The following TBL1XR1 variants were observed in gnomAD, a reference collection of about 807,000 sequenced individuals.
The protein encoded by TBL1XR1 is TBL1X/Y related 1.
A neutral mutation model predicts 66.9 loss-of-function variants in TBL1XR1; 5 were observed. That is an observed-to-expected ratio of 0.07 (90% CI 0.04 to 0.16). The LOEUF (loss-of-function observed/expected upper bound fraction) is 0.16, where lower values mean the gene tolerates loss of function less well. Ranked by LOEUF, TBL1XR1 falls within the 10% of genes least tolerant of loss-of-function variation. The pLI, the probability that TBL1XR1 is intolerant of heterozygous loss-of-function variation, is 1.00. For synonymous variants in TBL1XR1, 210 were observed against 206.0 expected, an observed-to-expected ratio of 1.02 and a Z score of -0.17; for missense variants, 238 against 623.2, an observed-to-expected ratio of 0.38 and a Z score of 6.58.
At chr3:177,181,448 C>T (rs897100884) in intron 1 of TBL1XR1, among the ~76,000 whole-genome samples, 1 of 150,546 alleles carries the variant, frequency 6.6e-6, no homozygotes, top group South Asian at 2.1e-4. Context: ...CCACCACACT[C>T]CAGCCTGAGT....
chr3:177,110,609 G>GA (rs1446906972), intron 1 of TBL1XR1, among the ~76,000 whole-genome samples: 2 of 152,020 alleles, frequency 1.3e-5, no homozygotes. Context: ...ACACTAAGCT[G>GA]AATTTTTTCA....
At chr3:177,109,859 G>C (rs1351683796) in intron 1 of TBL1XR1, among the ~76,000 whole-genome samples, 3 of 152,102 alleles carry the variant, frequency 2.0e-5, no homozygotes, top group Non-Finnish European at 4.4e-5. Context: ...TCAATTGAGA[G>C]ACAGCAAGAT....
At chr3:177,156,560 TAC>T (rs1278517597) in intron 1 of TBL1XR1, among the ~76,000 whole-genome samples, 3 of 149,482 alleles carry the variant, frequency 2.0e-5, no homozygotes, top group African/African-American at 7.4e-5. Flanking sequence ...TATATATATA[TAC>T]ACACACATAC....
rs143945879 is a variant in TBL1XR1, at chr3:177,079,247, C to T, written c.-45-14225G>A. On this transcript the variant is annotated intron_variant, in intron 2 of 15. Coordinates refer to ENST00000457928, the MANE Select transcript of TBL1XR1 (RefSeq NM_024665.7). ...GAGATCAAGACCATCCTGGCTAACA[C>T]GGTGAAACCCCGTCTCCACTAAAAA... is the stretch of plus-strand genomic sequence containing the variant. 4.2e-3 allele frequency among the ~76,000 whole-genome samples: 643 copies of T among 151,676 alleles called. 4 individuals carry two copies. The highest frequency in any genetic ancestry group is 0.015 in the African/African-American group (617 of 41,366).
intron 2 of TBL1XR1, among the ~76,000 whole-genome samples, chr3:177,065,263 G>A (rs997990350): frequency 6.6e-6 from 1 of 152,106 alleles, no homozygotes; most frequent in African/African-American, 2.4e-5. Flanking sequence ...AAATTTTTTA[G>A]AGGGCTTTAG....
intron 2 of TBL1XR1, among the ~76,000 whole-genome samples, chr3:177,087,997 C>G (rs1467591039): frequency 6.6e-6 from 1 of 152,116 alleles, no homozygotes; most frequent in Admixed American, 6.6e-5. Context: ...ACATCTATCC[C>G]TCTATTGTGG....
intron 1 of TBL1XR1, among the ~76,000 whole-genome samples, chr3:177,191,197 T>A (rs1342344106): frequency 6.6e-6 from 1 of 152,104 alleles, no homozygotes; most frequent in Non-Finnish European, 1.5e-5. Context: ...ACAAATTCAA[T>A]CCAGTTGGCA....
intron 3 of TBL1XR1, among the ~76,000 whole-genome samples, chr3:177,054,327 A>G (rs998521380): frequency 6.6e-6 from 1 of 152,160 alleles, no homozygotes; most frequent in African/African-American, 2.4e-5. Flanking sequence ...TTTCTGTATT[A>G]TATTTTAATA....
intron 1 of TBL1XR1, among the ~76,000 whole-genome samples, chr3:177,129,709 A>C (rs67562114): frequency 6.6e-6 from 1 of 151,940 alleles, no homozygotes; most frequent in African/African-American, 2.4e-5. Flanking sequence ...TTAAAAAAAA[A>C]GTACAAGATA....
chr3:177,052,868 C>T (rs1717285714), intron 4 of TBL1XR1, among the ~76,000 whole-genome samples: 1 of 152,116 alleles, frequency 6.6e-6, no homozygotes, highest in Non-Finnish European at 1.5e-5. Context: ...CTTTGGGAGG[C>T]CGAGGTGGGC....
chr3:177,091,015 G>C (rs1053417583), intron 2 of TBL1XR1: 3 of 151,956 alleles, frequency 2.0e-5, no homozygotes, highest in East Asian at 3.9e-4. Context: ...AAAAAGAAAA[G>C]AGGGAGAGGG....
chr3:177,143,405 T>A (rs77963076), intron 1 of TBL1XR1, among the ~76,000 whole-genome samples: 5,719 of 152,186 alleles, frequency 0.038, 172 homozygotes, highest in Middle Eastern at 0.078. Flanking sequence ...GAAGGAATAT[T>A]ATAGGCAAAG....
At chr3:177,194,924 C>A (rs989765791) in intron 1 of TBL1XR1, among the ~76,000 whole-genome samples, 1 of 151,620 alleles carries the variant, frequency 6.6e-6, no homozygotes, top group African/African-American at 2.4e-5. Context: ...CAGTGTCTCC[C>A]ACATTAATAC....
At chr3:177,079,186 C>A (rs1344113516) in intron 2 of TBL1XR1, among the ~76,000 whole-genome samples, 1 of 151,926 alleles carries the variant, frequency 6.6e-6, no homozygotes, top group Non-Finnish European at 1.5e-5. Context: ...AATCCCAGCA[C>A]TTTGGAAGGC....
At chr3:177,105,575 A>G (rs1230881933) in intron 1 of TBL1XR1, among the ~76,000 whole-genome samples, 1 of 152,230 alleles carries the variant, frequency 6.6e-6, no homozygotes, top group Non-Finnish European at 1.5e-5. Context: ...TAATTAGGCT[A>G]CAACACACAA....
intron 1 of TBL1XR1, among the ~76,000 whole-genome samples, chr3:177,104,129 A>AAAAAGAG (rs754019574): frequency 3.5e-5 from 5 of 141,214 alleles, no homozygotes; most frequent in African/African-American, 1.1e-4. Flanking sequence ...AAAAAAAAAA[A>AAAAAGAG]AGAGAGAGAG....
intron 14 of TBL1XR1, 124 bp from the exon 15 acceptor site, chr3:177,026,598 T>C (rs1713160089): frequency 4.6e-6 from 3 of 649,508 alleles, no homozygotes; most frequent in African/African-American, 3.8e-5. Context: ...GCTTCAACTA[T>C]AAAAATAAGT....
chr3:177,054,067 TGTGTGTGC>T (rs1256580134), intron 3 of TBL1XR1, 149 bp from the exon 4 acceptor site: 28 of 645,106 alleles, frequency 4.3e-5, no homozygotes, highest in East Asian at 1.2e-4. Context: ...TGTGTGTGTG[TGTGTGTGC>T]GCGCGCGTGT....
intron 9 of TBL1XR1, among the ~76,000 whole-genome samples, chr3:177,046,466 A>T (rs769990336): frequency 6.6e-6 from 1 of 152,186 alleles, no homozygotes; most frequent in Non-Finnish European, 1.5e-5. Context: ...GATTTTGCTT[A>T]AAAAACTCCA....
Sources: allele counts gnomAD v4.1 joint callset (sites outside exome capture counted in the v4.1 genomes callset), GRCh38; gene constraint gnomAD v4.1.1; transcripts MANE v1.5; gene names NCBI Gene and HGNC (gene_info 2026-07-23, HGNC 2026-07-21).